PRKN: variants seen among roughly 807,000 people sequenced by gnomAD.
The protein encoded by PRKN is E3 ubiquitin-protein ligase parkin.
PRKN carries 56 observed loss-of-function variants against 59.5 expected under a neutral mutation model. That is an observed-to-expected ratio of 0.94 (90% CI 0.76 to 1.18). The LOEUF (loss-of-function observed/expected upper bound fraction) is 1.18. Among genes scored for constraint, PRKN ranks in the 50% most tolerant of loss-of-function variants. The pLI is 0.00. For missense variants in PRKN, 657 were observed against 596.4 expected (o/e 1.10, Z -1.06); for synonymous variants, 250 against 222.1 (o/e 1.13, Z -1.12).
intron 1 of PRKN, among the ~76,000 whole-genome samples, chr6:162,506,784 C>T (rs1354952189): frequency 6.6e-6 from 1 of 152,112 alleles, no homozygotes; most frequent in Admixed American, 6.6e-5. Context: ...CATCCAGCAC[C>T]AGCTTGGAGG....
chr6:162,434,200 A>C (rs9458549), intron 2 of PRKN, among the ~76,000 whole-genome samples: 59,695 of 152,038 alleles, frequency 0.39, 13,040 homozygotes, highest in African/African-American at 0.6. Flanking sequence ...ATATATGTAC[A>C]AAAGGCTAAA....
intron 1 of PRKN, among the ~76,000 whole-genome samples, chr6:162,449,780 T>C (rs949098126): frequency 1.3e-5 from 2 of 152,278 alleles, no homozygotes; most frequent in Middle Eastern, 3.4e-3. Flanking sequence ...AATTATTAAA[T>C]GCTATCGGAT....
intron 1 of PRKN, among the ~76,000 whole-genome samples, chr6:162,467,407 C>T (rs1053945230): frequency 6.6e-6 from 1 of 152,018 alleles, no homozygotes; most frequent in Non-Finnish European, 1.5e-5. Context: ...AGTGACTGCC[C>T]CCACTCCACC....
At chr6:162,398,565 A>G (rs991477471) in intron 2 of PRKN, among the ~76,000 whole-genome samples, 4 of 151,740 alleles carry the variant, frequency 2.6e-5, no homozygotes, top group African/African-American at 7.3e-5. Context: ...TAATTTTTGT[A>G]TTTTTAGTAA....
At chr6:162,022,373 C>G (rs934070532) in intron 5 of PRKN, among the ~76,000 whole-genome samples, 1 of 152,124 alleles carries the variant, frequency 6.6e-6, no homozygotes, top group Non-Finnish European at 1.5e-5. Context: ...AATAGCCATT[C>G]TGACTGGTAT....
rs537866828 is a variant in PRKN at position 161,526,599 on chromosome 6, T to C, written c.1083+22255A>G. ...TAAATATAAGTAATATAAATAAATA[T>C]AATGAAATAAAATCTCAAAGCATCA... On this transcript the variant is annotated intron_variant, in intron 9 of 11. Transcript: ENST00000366898. This position sits in a 1 kb window ranked among gnomAD's most constrained non-coding sequence, Gnocchi z 4.1. 9.3e-5 allele frequency among the ~76,000 whole-genome samples: 14 copies of C among 150,178 alleles called. No homozygotes were observed. Among genetic ancestry groups the C allele is most frequent in the African/African-American group, 2.9e-4 (12 of 41,198 alleles).
In PRKN at chr6:161,576,485, C is replaced by T. The variant is rs1781133325; in HGVS notation, c.872-7069G>A. On this transcript the variant is annotated intron_variant, in intron 7 of 11. Coordinates refer to ENST00000366898, the MANE Select transcript of PRKN (RefSeq NM_004562.3). This position sits in a 1 kb window ranked among gnomAD's most constrained non-coding sequence, Gnocchi z 4.6. Reference sequence around the variant, plus strand: ...TGTAATAACAGCAACAACAAAACGACACATCTAAAATGACCATCAACAGAA... The same window carrying T: ...TGTAATAACAGCAACAACAAAACGATACATCTAAAATGACCATCAACAGAA... Among the ~76,000 whole-genome samples the T allele has an allele frequency of 6.6e-6, 1 of 152,158 alleles. No homozygotes were observed.
rs1781817741 is a variant in PRKN, at chr6:161,593,930, T to G, written c.872-24514A>C. On this transcript the variant is annotated intron_variant, in intron 7 of 11. Coordinates refer to ENST00000366898, the MANE Select transcript of PRKN (RefSeq NM_004562.3). The surrounding 1 kb of genome is among the most constrained non-coding windows in gnomAD (Gnocchi z 4.8). ...ACTTTGGGAGGCTGAGGTGGGCAGA[T>G]CACGAGGTCAGGAGTTTGAGACCAG... Among the ~76,000 whole-genome samples, 2 of 150,894 alleles carry G rather than the reference T, an allele frequency of 1.3e-5. No individual in the cohort carries two copies. The highest frequency in any genetic ancestry group is 2.9e-5 in the Non-Finnish European group (2 of 67,798).
chr6:161,942,347 A>G (rs1779596124), intron 6 of PRKN, among the ~76,000 whole-genome samples: 1 of 152,126 alleles, frequency 6.6e-6, no homozygotes, highest in Non-Finnish European at 1.5e-5. Flanking sequence ...CCTGGCCAAC[A>G]TGGTGAAACC....
At chr6:162,187,083 A>G (rs1784063772) in intron 4 of PRKN, among the ~76,000 whole-genome samples, 2 of 152,170 alleles carry the variant, frequency 1.3e-5, no homozygotes, top group South Asian at 4.1e-4. Context: ...AAAACAAAAT[A>G]TGTATGAGAA....
At chr6:162,526,634 G>C (rs954938746) in intron 1 of PRKN, among the ~76,000 whole-genome samples, 1 of 150,584 alleles carries the variant, frequency 6.6e-6, no homozygotes, top group African/African-American at 2.4e-5. Context: ...AAGTACTGAA[G>C]GTTTGTGGAT....
chr6:162,339,513 G>T (rs1177092644), intron 2 of PRKN, among the ~76,000 whole-genome samples: 1 of 142,630 alleles, frequency 7.0e-6, no homozygotes, highest in African/African-American at 2.6e-5. Flanking sequence ...CGGGAGGGAG[G>T]TGGGGGGGTC....
chr6:162,305,389 T>C (rs1782174387), intron 2 of PRKN, among the ~76,000 whole-genome samples: 1 of 149,532 alleles, frequency 6.7e-6, no homozygotes, highest in South Asian at 2.1e-4. Context: ...CCTCTAATTT[T>C]TTAAAAAAAT....
At chr6:162,727,629 CAG>C (rs1779346581) in intron 1 of PRKN, 31 bp downstream of exon 1, 4 of 1,579,108 alleles carry the variant, frequency 2.5e-6, no homozygotes, top group Non-Finnish European at 3.4e-6. Flanking sequence ...TGGGGCGGCG[CAG>C]AGAGGCTGTA....
At chr6:161,835,526 T>C (rs988676820) in intron 6 of PRKN, among the ~76,000 whole-genome samples, 2 of 152,228 alleles carry the variant, frequency 1.3e-5, no homozygotes, top group South Asian at 2.1e-4. Context: ...CTTAGACTAA[T>C]ACGACAGTGA....
At chr6:161,573,303 T>C (rs912114559) in intron 7 of PRKN, among the ~76,000 whole-genome samples, 1 of 152,192 alleles carries the variant, frequency 6.6e-6, no homozygotes, top group African/African-American at 2.4e-5. Flanking sequence ...TCAGAATATT[T>C]TGGTCTTGTA....
At chr6:161,949,848 C>T (rs375659514) in intron 6 of PRKN, among the ~76,000 whole-genome samples, 2 of 152,184 alleles carry the variant, frequency 1.3e-5, no homozygotes, top group Non-Finnish European at 2.9e-5. Flanking sequence ...GGGAGAACAG[C>T]GGGCATGCCC....
chr6:161,842,273 C>T (rs1562330892), intron 6 of PRKN, among the ~76,000 whole-genome samples: 1 of 151,926 alleles, frequency 6.6e-6, no homozygotes, highest in Admixed American at 6.6e-5. Flanking sequence ...CCAAGGCAGG[C>T]ACACTTAAGT....
chr6:162,424,779 G>A (rs76863262), intron 2 of PRKN, among the ~76,000 whole-genome samples: 2,886 of 151,820 alleles, frequency 0.019, 103 homozygotes, highest in African/African-American at 0.067. Flanking sequence ...TACCACTGGC[G>A]GATGGGGGTG....
Sources: allele counts gnomAD v4.1 joint callset (sites outside exome capture counted in the v4.1 genomes callset), GRCh38; gene constraint gnomAD v4.1.1; non-coding constraint Gnocchi (gnomAD v3.1); transcripts MANE v1.5; gene names NCBI Gene and HGNC (gene_info 2026-07-23, HGNC 2026-07-21).